The following CDH13 variants were observed in gnomAD, a reference collection of about 807,000 sequenced individuals.
CDH13 encodes cadherin-13.
CDH13 carries 24 observed loss-of-function variants against 63.8 expected under a neutral mutation model. That is an observed-to-expected ratio of 0.38 (90% CI 0.27 to 0.53). The LOEUF (loss-of-function observed/expected upper bound fraction) is 0.53, where lower values mean the gene tolerates loss of function less well. Ranked by LOEUF, CDH13 falls within the 20% of genes least tolerant of loss-of-function variation. The pLI, the probability that CDH13 is intolerant of heterozygous loss-of-function variation, is 0.85. For missense variants in CDH13, 1,049 were observed against 903.1 expected (o/e 1.16, Z -2.07); for synonymous variants, 503 against 355.3 (o/e 1.42, Z -4.67).
At chr16:82,705,898 T>A (rs1474771559) in intron 1 of CDH13, among the ~76,000 whole-genome samples, 2 of 152,210 alleles carry the variant, frequency 1.3e-5, no homozygotes, top group African/African-American at 4.8e-5. Flanking sequence ...TTTAGTCATC[T>A]GGCATATTAT....
chr16:83,368,389 G>A (rs889158159), intron 6 of CDH13, among the ~76,000 whole-genome samples: 5 of 152,152 alleles, frequency 3.3e-5, no homozygotes, highest in South Asian at 2.1e-4. Context: ...TTGGTTGCTT[G>A]CTGTAGCTCA....
At chr16:82,802,803 A>C (rs1031507727) in intron 1 of CDH13, among the ~76,000 whole-genome samples, 1 of 152,234 alleles carries the variant, frequency 6.6e-6, no homozygotes, top group Non-Finnish European at 1.5e-5. Flanking sequence ...CTGCCAGGAA[A>C]GTGCACTGTA....
chr16:83,416,483 T>G (rs534205434), intron 6 of CDH13, among the ~76,000 whole-genome samples: 2 of 152,332 alleles, frequency 1.3e-5, no homozygotes, highest in East Asian at 3.9e-4. Context: ...TATCTCTTCT[T>G]GTGCCTCTCA....
At chr16:83,227,209 C>T (rs1309155844) in intron 5 of CDH13, among the ~76,000 whole-genome samples, 1 of 152,188 alleles carries the variant, frequency 6.6e-6, no homozygotes, top group Non-Finnish European at 1.5e-5. Flanking sequence ...AACAGGTGGC[C>T]AAGGATTACA....
intron 4 of CDH13, among the ~76,000 whole-genome samples, chr16:83,163,384 C>G (rs1310188687): frequency 2.0e-5 from 3 of 152,012 alleles, no homozygotes; most frequent in South Asian, 4.2e-4. Flanking sequence ...GTGGTCAAAA[C>G]CTGCACCCCA....
At chr16:83,583,368 G>A (rs1488020584) in intron 7 of CDH13, among the ~76,000 whole-genome samples, 3 of 152,206 alleles carry the variant, frequency 2.0e-5, no homozygotes, top group African/African-American at 7.2e-5. Flanking sequence ...ACAAGCCCGT[G>A]GAGATAGCAC....
chr16:83,199,922 C>T (rs1240901014), intron 4 of CDH13, among the ~76,000 whole-genome samples: 35 of 152,252 alleles, frequency 2.3e-4, no homozygotes, highest in Admixed American at 2.2e-3. Context: ...TTTTCTAAAC[C>T]ACTGCACCAC....
chr16:82,707,574 A>C (rs201273463), intron 1 of CDH13, among the ~76,000 whole-genome samples: 1 of 152,216 alleles, frequency 6.6e-6, no homozygotes, highest in African/African-American at 2.4e-5. Context: ...GTGATACATG[A>C]CAGAGTGACC....
chr16:83,458,662 C>A (rs1249833487), intron 6 of CDH13, among the ~76,000 whole-genome samples: 1 of 152,218 alleles, frequency 6.6e-6, no homozygotes, highest in Non-Finnish European at 1.5e-5. Flanking sequence ...AGCCATCTTC[C>A]TGTTGTTTTG....
intron 8 of CDH13, among the ~76,000 whole-genome samples, chr16:83,644,909 C>T (rs1191935825): frequency 6.6e-6 from 1 of 152,214 alleles, no homozygotes; most frequent in East Asian, 1.9e-4. Context: ...GCTGTAGCTC[C>T]TCTAGAATCC....
chr16:83,650,098 T>C (rs1912222511), intron 8 of CDH13, among the ~76,000 whole-genome samples: 1 of 152,204 alleles, frequency 6.6e-6, no homozygotes, highest in Non-Finnish European at 1.5e-5. Flanking sequence ...TGCTCCTTTG[T>C]AGGTTGATGG....
At chr16:83,655,548 C>G (rs1023220061) in intron 8 of CDH13, among the ~76,000 whole-genome samples, 1 of 152,264 alleles carries the variant, frequency 6.6e-6, no homozygotes, top group Admixed American at 6.5e-5. Context: ...TTTACAAACC[C>G]ATGGCAGAGC....
intron 1 of CDH13, among the ~76,000 whole-genome samples, chr16:82,755,515 T>C (rs938545172): frequency 6.6e-6 from 1 of 152,358 alleles, no homozygotes; most frequent in African/African-American, 2.4e-5. Flanking sequence ...TTTCTGATGA[T>C]GTATCCCCAA....
In CDH13 at chr16:83,795,352, G is replaced by A. The variant is rs1277413825; in HGVS notation, c.*322G>A. Reference sequence around the variant, plus strand: ...TAACATGTCGCTAGCCAGTGCTCCAGGCACCCAGCTTTGTCTGTGGGTTAG... The same window carrying A: ...TAACATGTCGCTAGCCAGTGCTCCAAGCACCCAGCTTTGTCTGTGGGTTAG... On this transcript the variant is annotated 3_prime_UTR_variant, in exon 14 of 14. Coordinates refer to ENST00000567109, the MANE Select transcript of CDH13 (RefSeq NM_001257.5). 5.7e-6 allele frequency: 2 copies of A among 348,098 alleles called. No individual in the cohort carries two copies. The highest frequency in any genetic ancestry group is 1.1e-5 in the Non-Finnish European group (2 of 188,890). The allele number at this position is 348,098 out of a possible 1,614,324, so 21.6% of individuals were successfully genotyped here. A position where few individuals can be genotyped will look rare whatever the true frequency, so the allele number is the denominator to read the frequency against.
intron 4 of CDH13, among the ~76,000 whole-genome samples, chr16:83,136,211 C>A (rs1020569721): frequency 6.6e-6 from 1 of 151,062 alleles, no homozygotes; most frequent in African/African-American, 2.4e-5. Flanking sequence ...TGTCTGGGCA[C>A]GGTGGCTCAT....
At chr16:82,725,478 T>C (rs985730848) in intron 1 of CDH13, among the ~76,000 whole-genome samples, 35 of 152,278 alleles carry the variant, frequency 2.3e-4, no homozygotes, top group African/African-American at 6.7e-4. Flanking sequence ...GCCCCAGCTT[T>C]CTCATCTGAA....
Position 82,915,877 on chromosome 16 carries a change from T to A in CDH13, c.157+57404T>A, listed in dbSNP as rs189125854. Among the ~76,000 whole-genome samples, 331 of 150,390 alleles carry A rather than the reference T, an allele frequency of 2.2e-3. 1 individual carries two copies. The highest frequency in any genetic ancestry group is 7.7e-3 in the African/African-American group (314 of 40,816). On this transcript the variant is annotated intron_variant, in intron 2 of 13. Coordinates refer to ENST00000567109, the MANE Select transcript of CDH13 (RefSeq NM_001257.5). ...GACCATCAGAAGGGGAACTGCTATATCACAGCCTCTGGAATCCTGGCTAAC... is the reference window on the plus strand; with the variant it reads ...GACCATCAGAAGGGGAACTGCTATAACACAGCCTCTGGAATCCTGGCTAAC...
chr16:82,890,192 G>A (rs2041029772), intron 2 of CDH13, among the ~76,000 whole-genome samples: 1 of 152,176 alleles, frequency 6.6e-6, no homozygotes, highest in Non-Finnish European at 1.5e-5. Flanking sequence ...TGTAAGGAGG[G>A]ACCATACTTA....
chr16:83,161,169 T>C (rs2037427961), intron 4 of CDH13, among the ~76,000 whole-genome samples: 1 of 152,204 alleles, frequency 6.6e-6, no homozygotes, highest in East Asian at 1.9e-4. Context: ...ATTGGACCAC[T>C]ATACATTCTA....
Sources: allele counts gnomAD v4.1 joint callset (sites outside exome capture counted in the v4.1 genomes callset), GRCh38; gene constraint gnomAD v4.1.1; transcripts MANE v1.5; gene names NCBI Gene and HGNC (gene_info 2026-07-23, HGNC 2026-07-21).